Variants in RAD54B observed in about 807,000 individuals in gnomAD.
RAD54B encodes DNA repair and recombination protein RAD54B.
RAD54B carries 78 observed loss-of-function variants against 95.8 expected under a neutral mutation model. That is an observed-to-expected ratio of 0.81 (90% CI 0.68 to 0.98). RAD54B has a LOEUF of 0.98. RAD54B is among the 50% of genes least tolerant of loss of function. The pLI is 0.00. For synonymous variants in RAD54B, 328 were observed against 354.9 expected, an observed-to-expected ratio of 0.92 and a Z score of 0.85; for missense variants, 957 against 1,056.6, an observed-to-expected ratio of 0.91 and a Z score of 1.31.
intron 5 of RAD54B, among the ~76,000 whole-genome samples, chr8:94,406,712 T>C (rs1028324751): frequency 6.6e-6 from 1 of 152,178 alleles, no homozygotes; most frequent in African/African-American, 2.4e-5. Flanking sequence ...ATATACTTGC[T>C]GTTGTGAGGA....
intron 3 of RAD54B, among the ~76,000 whole-genome samples, chr8:94,420,984 CAA>C (rs776651582): frequency 2.8e-4 from 25 of 90,388 alleles, no homozygotes; most frequent in East Asian, 3.2e-4. Flanking sequence ...GACTCAGTCT[CAA>C]AAAAAAAAAA....
chr8:94,420,251 ATTTTTT>A (rs57897762), intron 3 of RAD54B, among the ~76,000 whole-genome samples: 1,524 of 117,020 alleles, frequency 0.013, 117 homozygotes, highest in Admixed American at 0.12. Flanking sequence ...AGAAAACTTG[ATTTTTT>A]TTTTTTTTTT....
chr8:94,417,634 C>T (rs1307283102), intron 3 of RAD54B, among the ~76,000 whole-genome samples: 1 of 151,836 alleles, frequency 6.6e-6, no homozygotes, highest in Non-Finnish European at 1.5e-5. Flanking sequence ...CTACCATAAC[C>T]AGCCATTACA....
At chr8:94,426,281 A>C (rs537412207) in intron 3 of RAD54B, among the ~76,000 whole-genome samples, 5 of 151,794 alleles carry the variant, frequency 3.3e-5, no homozygotes, top group Admixed American at 2.6e-4. Context: ...AAAAAAAAAA[A>C]CTCATACCCT....
Position 94,404,233 on chromosome 8 carries a change from AG to A in RAD54B, c.787del (p.Leu263SerfsTer24). On this transcript the variant is annotated frameshift_variant, in exon 6 of 15. Transcript: ENST00000336148. LOFTEE classifies it high-confidence loss of function. ...PRHDPYTPNS[L>X]VMPRPDKNHQ... ...ATTCTTATCTGGTCGTGGCATAACG[AG>A]GGAATCTTAAAAAATGATAAAAGTA... 1 of 1,585,064 alleles carries A rather than the reference AG, an allele frequency of 6.3e-7. No homozygotes were observed. Among genetic ancestry groups the A allele is most frequent in the Non-Finnish European group, 8.5e-7 (1 of 1,170,376 alleles).
In RAD54B at chr8:94,407,438, C is replaced by G. The variant is rs372660956; in HGVS notation, c.781+1G>C. The G allele has an allele frequency of 6.3e-7, 1 of 1,577,910 alleles. No individual in the cohort carries two copies. Among genetic ancestry groups the G allele is most frequent in the African/African-American group, 1.4e-5 (1 of 73,816 alleles). ...AATTCAAATTATTTTTAAAATCTTA[C>G]TTGGCGTATATGGGTCATGGCGTGG... On this transcript the variant is annotated splice_donor_variant, in intron 5 of 14. Transcript: ENST00000336148. LOFTEE classifies it high-confidence loss of function.
rs766420203 is a variant in RAD54B at position 94,378,162 on chromosome 8, A to C, written c.2515+18T>G. 2.3e-5 allele frequency: 36 copies of C among 1,552,622 alleles called. No homozygotes were observed. Among genetic ancestry groups the C allele is most frequent in the Non-Finnish European group, 3.2e-5 (36 of 1,140,580 alleles). Reference sequence around the variant, plus strand: ...AATTAACTTTACTACATAGTAACAGAATTAAAATATAACTAACCTGTATGA... The same window carrying C: ...AATTAACTTTACTACATAGTAACAGCATTAAAATATAACTAACCTGTATGA... On this transcript the variant is annotated intron_variant, in intron 14 of 14. Transcript: ENST00000336148.
chr8:94,445,171 A>G (rs528506904), intron 3 of RAD54B, among the ~76,000 whole-genome samples: 2 of 152,252 alleles, frequency 1.3e-5, no homozygotes, highest in South Asian at 4.2e-4. Flanking sequence ...AGATGACGCC[A>G]TCTCAGTATG....
intron 5 of RAD54B, among the ~76,000 whole-genome samples, chr8:94,404,664 A>G (rs1811343017): frequency 6.6e-6 from 1 of 152,152 alleles, no homozygotes; most frequent in South Asian, 2.1e-4. Context: ...CAAATTTAAC[A>G]TACAGGCTTT....
Position 94,380,251 on chromosome 8 carries a change from A to C in RAD54B, c.2141T>G (p.Phe714Cys), listed in dbSNP as rs779510802. The C allele has an allele frequency of 8.1e-6, 13 of 1,614,042 alleles. No individual in the cohort carries two copies. The highest frequency in any genetic ancestry group is 1.1e-5 in the Non-Finnish European group (13 of 1,179,984). The change falls in exon 12 of 15, where the codon TTT becomes TGT. Residue 714 changes from phenylalanine (F) to cysteine (C), a missense_variant. Transcript: ENST00000336148. ...AGCTTTTGAACTTAACAAAAAAATA[A>C]AAAAAGAAGAGTGTTGACTGTTAAA... ...DGFNSQHSSF[F>C]IFLLSSKAGG...
chr8:94,434,534 T>G (rs767997926), intron 3 of RAD54B, among the ~76,000 whole-genome samples: 1 of 151,922 alleles, frequency 6.6e-6, no homozygotes. Context: ...TTTTTAAGTA[T>G]GTTAACGCAA....
At chr8:94,436,806 A>T in intron 3 of RAD54B, 1 of 1,548,546 alleles carries the variant, frequency 6.5e-7, no homozygotes, top group Non-Finnish European at 8.7e-7. Context: ...ATGGCTTCAC[A>T]AGCTTTAGCA....
chr8:94,426,154 T>C (rs190240345), intron 3 of RAD54B, among the ~76,000 whole-genome samples: 39 of 152,032 alleles, frequency 2.6e-4, no homozygotes, highest in Non-Finnish European at 5.0e-4. Context: ...GGTTTCACCA[T>C]GGTGGCCAGG....
chr8:94,380,310 T>A lies in RAD54B; in HGVS notation c.2082A>T (p.Thr694=). 6.2e-7 allele frequency: 1 copy of A among 1,614,116 alleles called. No individual in the cohort carries two copies. Among genetic ancestry groups the A allele is most frequent in the African/African-American group, 1.3e-5 (1 of 75,060 alleles). The change falls in exon 12 of 15, where the codon ACA becomes ACT. Residue 694 remains threonine (T), a synonymous_variant. Coordinates refer to ENST00000336148, the MANE Select transcript of RAD54B (RefSeq NM_012415.3). ...GYAYTRLDGQ[T]PISQRQQIVD... ...CAATCTGCTGCCTTTGAGAGATTGG[T>A]GTTTGTCCATCAAGTCTTGTATAAG...
At chr8:94,428,021 G>A in intron 3 of RAD54B, 9 of 937,462 alleles carry the variant, frequency 9.6e-6, no homozygotes, top group Non-Finnish European at 1.1e-5. Flanking sequence ...GTATTCGTTA[G>A]AAATGAGTTT....
intron 11 of RAD54B, among the ~76,000 whole-genome samples, 177 bp from the exon 12 acceptor site, chr8:94,380,583 A>T (rs1810715701): frequency 6.6e-6 from 1 of 152,246 alleles, no homozygotes. Flanking sequence ...CAATATCTAA[A>T]CTTCCAGTTT....
At chr8:94,415,959 G>A (rs1463498073) in intron 3 of RAD54B, among the ~76,000 whole-genome samples, 5 of 151,524 alleles carry the variant, frequency 3.3e-5, no homozygotes, top group African/African-American at 9.7e-5. Flanking sequence ...TCAGTGTGGC[G>A]ATTCCTCAGG....
At chr8:94,422,752 TTATA>T (rs369490267) in intron 3 of RAD54B, among the ~76,000 whole-genome samples, 15,494 of 125,328 alleles carry the variant, frequency 0.12, 1,866 homozygotes, top group African/African-American at 0.31. Flanking sequence ...CCACAAAAAA[TTATA>T]TATATATATA....
chr8:94,433,222 G>A (rs1165462521), intron 3 of RAD54B, among the ~76,000 whole-genome samples: 1 of 152,048 alleles, frequency 6.6e-6, no homozygotes, highest in Non-Finnish European at 1.5e-5. Context: ...TCAACTACTG[G>A]AGGTTATCCT....
Sources: allele counts gnomAD v4.1 joint callset (sites outside exome capture counted in the v4.1 genomes callset), GRCh38; gene constraint gnomAD v4.1.1; transcripts MANE v1.5; gene names NCBI Gene and HGNC (gene_info 2026-07-23, HGNC 2026-07-21).